The following CHRNB3 variants were observed in gnomAD, a reference collection of about 807,000 sequenced individuals.
CHRNB3 encodes the protein neuronal acetylcholine receptor subunit beta-3.
In CHRNB3, 37 loss-of-function variants were observed where a neutral mutation model predicts 40.6. The observed-to-expected ratio is 0.91, with a 90% CI of 0.70 to 1.20. The LOEUF (loss-of-function observed/expected upper bound fraction) is 1.20. Among genes scored for constraint, CHRNB3 ranks in the 50% most tolerant of loss-of-function variants. The probability of loss-of-function intolerance (pLI) is 0.00; values close to 1 mark genes in which losing one functional copy is unlikely to be tolerated. For missense variants in CHRNB3, 505 were observed against 551.2 expected (o/e 0.92, Z 0.84); for synonymous variants, 207 against 207.1 (o/e 1.00, Z 0.00).
intron 3 of CHRNB3, among the ~76,000 whole-genome samples, chr8:42,718,353 G>A (rs181148911): frequency 2.0e-5 from 3 of 152,142 alleles, no homozygotes; most frequent in Non-Finnish European, 2.9e-5. Context: ...ATTATCTTTT[G>A]GTCCTATTAG....
At chr8:42,716,723 G>A (rs1461995181) in intron 3 of CHRNB3, among the ~76,000 whole-genome samples, 2 of 152,042 alleles carry the variant, frequency 1.3e-5, no homozygotes, top group Admixed American at 6.5e-5. Flanking sequence ...CTTATGGAAA[G>A]CCGCCTCTGC....
rs1476585887 is a variant in CHRNB3, at chr8:42,718,412, A to G, written c.249+7978A>G. On this transcript the variant is annotated intron_variant, in intron 3 of 5. Coordinates refer to ENST00000289957, the MANE Select transcript of CHRNB3 (RefSeq NM_000749.5). Reference sequence around the variant, plus strand: ...GACTTGGCCGAGCATGGTGGCTCACACCTGTAATCCCAGCACTTTGGGAGG... The same window carrying G: ...GACTTGGCCGAGCATGGTGGCTCACGCCTGTAATCCCAGCACTTTGGGAGG... Among the ~76,000 whole-genome samples, 142 of 151,472 alleles carry G rather than the reference A, an allele frequency of 9.4e-4. 2 individuals are homozygous for G. The highest frequency in any genetic ancestry group is 3.0e-3 in the African/African-American group (122 of 40,888).
chr8:42,726,893 G>C (rs1563614493), intron 3 of CHRNB3, among the ~76,000 whole-genome samples: 1 of 152,044 alleles, frequency 6.6e-6, no homozygotes, highest in Non-Finnish European at 1.5e-5. Flanking sequence ...TAAGTAAATG[G>C]AGACATAAAT....
In CHRNB3 at chr8:42,732,210, G is replaced by A; in HGVS notation, c.903G>A (p.Leu301=). ...TTCCTCTCATTGGAGAGTACCTGCT[G>A]TTCATCATGATTTTTGTGACCCTGT... The part of the protein sequence containing the change: ...KVIPLIGEYL[L]FIMIFVTLSI... Residue 301 remains leucine (L), a synonymous_variant, in exon 5 of 6, where the codon CTG becomes CTA. Coordinates refer to ENST00000289957, the MANE Select transcript of CHRNB3 (RefSeq NM_000749.5). 1 of 1,609,914 alleles carries A rather than the reference G, an allele frequency of 6.2e-7. No homozygotes were observed. Among genetic ancestry groups the A allele is most frequent in the Non-Finnish European group, 8.5e-7 (1 of 1,178,660 alleles).
chr8:42,716,710 T>C (rs1186638399), intron 3 of CHRNB3, among the ~76,000 whole-genome samples: 1 of 152,070 alleles, frequency 6.6e-6, no homozygotes, highest in Non-Finnish European at 1.5e-5. Context: ...GTGGTGGCCC[T>C]GTCTTATGGA....
intron 1 of CHRNB3, among the ~76,000 whole-genome samples, chr8:42,707,229 A>G (rs908173590): frequency 1.1e-4 from 17 of 152,200 alleles, no homozygotes; most frequent in Admixed American, 9.8e-4. Flanking sequence ...CTCTCTTAGG[A>G]AAGTGCCTAC....
At chr8:42,733,953 T>C (rs1204853092) in intron 5 of CHRNB3, among the ~76,000 whole-genome samples, 1 of 149,888 alleles carries the variant, frequency 6.7e-6, no homozygotes, top group Non-Finnish European at 1.5e-5. Context: ...GTGCAGATAT[T>C]AAGCGTAAAA....
At chr8:42,730,385 A>G (rs962578669) in intron 3 of CHRNB3, among the ~76,000 whole-genome samples, 1 of 152,200 alleles carries the variant, frequency 6.6e-6, no homozygotes, top group African/African-American at 2.4e-5. Flanking sequence ...TGTAACATGC[A>G]AAGTGTGTGG....
intron 1 of CHRNB3, among the ~76,000 whole-genome samples, chr8:42,700,019 C>CTTTTTTTTTTTTTTTTTTTTT (rs573615558): frequency 7.1e-6 from 1 of 140,900 alleles, no homozygotes; most frequent in African/African-American, 2.6e-5. Context: ...AATTTCTTTT[C>CTTTTTTTTTTTTTTTTTTTTT]TTTTTTTTTT....
intron 3 of CHRNB3, among the ~76,000 whole-genome samples, chr8:42,720,921 C>A (rs1433878885): frequency 1.3e-5 from 2 of 152,254 alleles, no homozygotes; most frequent in African/African-American, 2.4e-5. Context: ...TAGGTAAAGA[C>A]CTTCGGTGCC....
chr8:42,725,960 CA>C, intron 3 of CHRNB3: 1 of 1,102,382 alleles, frequency 9.1e-7, no homozygotes, highest in East Asian at 2.4e-5. Flanking sequence ...TCGATGCGTA[CA>C]ACAAAGGCCA....
At chr8:42,734,896 T>G (rs1816494169) in intron 5 of CHRNB3, among the ~76,000 whole-genome samples, 2 of 152,052 alleles carry the variant, frequency 1.3e-5, no homozygotes, top group Admixed American at 1.3e-4. Flanking sequence ...TTGGGAGAAT[T>G]TTTTTGTTTG....
chr8:42,733,805 A>AG (rs1816469855), intron 5 of CHRNB3, among the ~76,000 whole-genome samples: 1 of 151,300 alleles, frequency 6.6e-6, no homozygotes, highest in African/African-American at 2.4e-5. Flanking sequence ...CATGTTGGCC[A>AG]GAATGGTCTC....
chr8:42,726,629 G>T (rs1816315509), intron 3 of CHRNB3, among the ~76,000 whole-genome samples: 1 of 152,002 alleles, frequency 6.6e-6, no homozygotes, highest in Non-Finnish European at 1.5e-5. Context: ...CTCCTGAGTA[G>T]CTGGGATTAC....
chr8:42,727,852 A>C (rs1232770100), intron 3 of CHRNB3, among the ~76,000 whole-genome samples: 2 of 152,062 alleles, frequency 1.3e-5, no homozygotes, highest in African/African-American at 4.8e-5. Context: ...ACAGAGCAAG[A>C]CTCTGTCTCA....
At chr8:42,709,048 A>G (rs1041465623) in intron 2 of CHRNB3, among the ~76,000 whole-genome samples, 180 bp downstream of exon 2, 8 of 152,200 alleles carry the variant, frequency 5.3e-5, no homozygotes, top group African/African-American at 1.7e-4. Context: ...AAGTTGTCAC[A>G]GGGTAAATTT....
At position 42,736,738 on chromosome 8, in the gene CHRNB3, G is replaced by A; in HGVS notation, c.*120G>A. The A allele has an allele frequency of 1.7e-6, 2 of 1,191,910 alleles. No individual in the cohort carries two copies. Among genetic ancestry groups the A allele is most frequent in the Middle Eastern group, 2.3e-4 (1 of 4,350 alleles). 73.8% of individuals were successfully genotyped at this position (1,191,910 alleles called of 1,614,324 possible). On this transcript the variant is annotated 3_prime_UTR_variant, in exon 6 of 6. Transcript: ENST00000289957. ...CCGAATGCGTTGTCTTTGTGGAAAT[G>A]GAACATCTCCTCATGGGAGAAACTC...
At chr8:42,723,838 C>A (rs1281263858) in intron 3 of CHRNB3, among the ~76,000 whole-genome samples, 1 of 152,158 alleles carries the variant, frequency 6.6e-6, no homozygotes, top group Non-Finnish European at 1.5e-5. Flanking sequence ...GTAATCCCAA[C>A]ACTTTGGGAG....
chr8:42,707,865 A>C (rs552482202), intron 1 of CHRNB3, among the ~76,000 whole-genome samples: 175 of 152,342 alleles, frequency 1.1e-3, no homozygotes, highest in African/African-American at 4.2e-3. Flanking sequence ...CATAAAATGA[A>C]CACCCACTAT....
Sources: allele counts gnomAD v4.1 joint callset (sites outside exome capture counted in the v4.1 genomes callset), GRCh38; gene constraint gnomAD v4.1.1; transcripts MANE v1.5; gene names NCBI Gene and HGNC (gene_info 2026-07-23, HGNC 2026-07-21).